The following NOTCH3 variants were observed in gnomAD, a reference collection of about 807,000 sequenced individuals.
The protein encoded by NOTCH3 is notch receptor 3, also known as neurogenic locus notch homolog protein 3.
Under a neutral mutation model 213.3 loss-of-function variants are expected in NOTCH3, and 86 were observed. The observed-to-expected ratio is 0.40, with a 90% CI of 0.34 to 0.48. The LOEUF is 0.48. NOTCH3 is among the 20% of genes least tolerant of loss of function. NOTCH3 has a pLI of 0.57. For synonymous variants in NOTCH3, 1,354 were observed against 1,355.9 expected (o/e 1.00, Z 0.03); for missense variants, 2,783 against 3,272.6 (o/e 0.85, Z 3.65).
At chr19:15,161,782 TG>T (rs879688221) in intron 32 of NOTCH3, 68 bp from the exon 33 acceptor site, 115 of 1,399,762 alleles carry the variant, frequency 8.2e-5, no homozygotes, top group Non-Finnish European at 1.1e-4. Context: ...TCCAGCCTCT[TG>T]GGGGAGCCCG....
At chr19:15,176,886 T>C (rs923821144) in intron 24 of NOTCH3, among the ~76,000 whole-genome samples, 2 of 144,362 alleles carry the variant, frequency 1.4e-5, no homozygotes, top group South Asian at 2.3e-4. Flanking sequence ...GCCTGGCCAA[T>C]ATGGTGAAAC....
At chr19:15,193,796 C>CA (rs2046949643) in intron 2 of NOTCH3, among the ~76,000 whole-genome samples, 1 of 107,496 alleles carries the variant, frequency 9.3e-6, no homozygotes, top group Admixed American at 1.0e-4. Flanking sequence ...ACAAAAAAAA[C>CA]AAACAGGCCA....
intron 1 of NOTCH3, among the ~76,000 whole-genome samples, chr19:15,198,061 T>C (rs1166818027): frequency 6.6e-6 from 1 of 152,116 alleles, no homozygotes; most frequent in Non-Finnish European, 1.5e-5. Flanking sequence ...CGTGGTGCTC[T>C]TGGGAGAGGG....
chr19:15,188,925 T>A, intron 8 of NOTCH3, 64 bp downstream of exon 8: 1 of 1,510,748 alleles, frequency 6.6e-7, no homozygotes, highest in Non-Finnish European at 9.0e-7. Context: ...CAGCTCCCCA[T>A]CCGCGGGCTT....
intron 10 of NOTCH3, 54 bp from the exon 11 acceptor site, chr19:15,187,392 G>T: frequency 6.6e-7 from 1 of 1,518,474 alleles, no homozygotes; most frequent in Non-Finnish European, 9.0e-7. Context: ...CTGCCCACAA[G>T]TGAGGCCTCG....
At chr19:15,200,758 C>A in intron 1 of NOTCH3, 30 bp downstream of exon 1, 1 of 1,272,774 alleles carries the variant, frequency 7.9e-7, no homozygotes, top group Admixed American at 3.1e-5. Context: ...CTGCCGCCCT[C>A]GTCCCATCCG....
intron 24 of NOTCH3, among the ~76,000 whole-genome samples, chr19:15,175,621 A>ACG (rs2046783961): frequency 6.8e-6 from 1 of 147,896 alleles, no homozygotes; most frequent in African/African-American, 2.5e-5. Context: ...ACACGCACGC[A>ACG]CACACATAGT....
chr19:15,166,509 G>C (rs1179583037), intron 29 of NOTCH3, among the ~76,000 whole-genome samples: 7 of 127,250 alleles, frequency 5.5e-5, no homozygotes, highest in African/African-American at 2.0e-4. Context: ...TTTTAAAAGG[G>C]GGGGGGAAAA....
chr19:15,178,126 G>A, intron 23 of NOTCH3, 36 bp from the exon 24 acceptor site: 1 of 1,343,006 alleles, frequency 7.4e-7, no homozygotes, highest in Non-Finnish European at 1.0e-6. Context: ...GGATAAAAAT[G>A]AGGGTGGGGA....
chr19:15,181,148 C>T lies in NOTCH3; in HGVS notation c.2807G>A (p.Gly936Asp). 6.2e-7 allele frequency: 1 copy of T among 1,611,274 alleles called. No individual in the cohort carries two copies. The highest frequency in any genetic ancestry group is 8.5e-7 in the Non-Finnish European group (1 of 1,179,246). ...GTTCACGCCGTCCACACAGGTCCCG[C>T]CATTGAAGCAGGAGCTGGAGCGGAA... ...PDCSPSSCFN[G>D]GTCVDGVNSF... The change falls in exon 18 of 33, where the codon GGC becomes GAC. Residue 936 changes from glycine to aspartate, a missense_variant. By Grantham distance (94) the Gly-to-Asp change is moderately conservative (BLOSUM62 -1). Transcript: ENST00000263388.
chr19:15,170,511 G>A lies in NOTCH3; in HGVS notation c.4934C>T (p.Pro1645Leu). 1 of 1,610,280 alleles carries A rather than the reference G, an allele frequency of 6.2e-7. No homozygotes were observed. Among genetic ancestry groups the A allele is most frequent in the Non-Finnish European group, 8.5e-7 (1 of 1,179,944 alleles). Reference sequence around the variant, plus strand: ...CAAGACAGCGCCCGCCACTAGCAGTGGCAGCAGCGGGACGCTGGGTTCTGG... The same window carrying A: ...CAAGACAGCGCCCGCCACTAGCAGTAGCAGCAGCGGGACGCTGGGTTCTGG... ...EPPEPSVPLL[P>L]LLVAGAVLLL... Residue 1645 changes from proline to leucine, a missense_variant, in exon 27 of 33, where the codon CCA becomes CTA. Transcript: ENST00000263388.
chr19:15,187,457 C>T lies in NOTCH3; in HGVS notation c.1607-119G>A, dbSNP rs552471156. On this transcript the variant is annotated intron_variant, in intron 10 of 32. Transcript: ENST00000263388. ...CCCTGCCCATCAAGCTGTCAGGAGGCGAGCTCAATACAGGCCCCACCCCCC... is the reference window on the plus strand; with the variant it reads ...CCCTGCCCATCAAGCTGTCAGGAGGTGAGCTCAATACAGGCCCCACCCCCC... 2.4e-5 allele frequency: 20 copies of T among 828,232 alleles called. No individual in the cohort carries two copies. In the East Asian group the frequency reaches 2.7e-4, roughly 11 times the overall value. 51.3% of individuals were successfully genotyped at this position (828,232 alleles called of 1,614,324 possible).
Position 15,159,490 on chromosome 19 carries a change from A to G in NOTCH3, c.*1172T>C, listed in dbSNP as rs187643137. The G allele has an allele frequency of 5.6e-5, 11 of 194,936 alleles. No homozygotes were observed. Among genetic ancestry groups the G allele is most frequent in the African/African-American group, 2.5e-4 (11 of 43,288 alleles). The allele number at this position is 194,936 out of a possible 1,614,324, so 12.1% of individuals were successfully genotyped here. ...ACAACCACTAATCCAATCGGTAGTC[A>G]TCTGCCAAAAGAGGAAGCATAAGTA... On this transcript the variant is annotated 3_prime_UTR_variant, in exon 33 of 33. Coordinates refer to ENST00000263388, the MANE Select transcript of NOTCH3 (RefSeq NM_000435.3).
intron 2 of NOTCH3, among the ~76,000 whole-genome samples, chr19:15,196,655 G>A (rs2046972540): frequency 6.6e-6 from 1 of 152,126 alleles, no homozygotes; most frequent in Admixed American, 6.6e-5. Flanking sequence ...CTTCTCCTTA[G>A]AGCACCTGTT....
rs776950725 is a variant in NOTCH3 at position 15,177,071 on chromosome 19, TAAAAAAAAAAA to T, written c.4403+443_4403+453del. The stretch of plus-strand genomic sequence containing the variant: ...TGGGCAAGAGAGCGAGACTCCGTCT[TAAAAAAAAAAA>T]AAAAAAAAAAAAGGAATTCGGCTGG... On this transcript the variant is annotated intron_variant, in intron 24 of 32. Transcript: ENST00000263388. Among the ~76,000 whole-genome samples, 197 of 79,140 alleles carry T rather than the reference TAAAAAAAAAAA, an allele frequency of 2.5e-3. 2 individuals carry two copies. The highest frequency in any genetic ancestry group is 7.8e-3 in the African/African-American group (183 of 23,422). The allele number at this position is 79,140 out of a possible 152,430, so 51.9% of individuals were successfully genotyped here.
chr19:15,191,237 T>C (rs2046924153), intron 6 of NOTCH3, among the ~76,000 whole-genome samples, 187 bp downstream of exon 6: 3 of 151,340 alleles, frequency 2.0e-5, no homozygotes, highest in Non-Finnish European at 4.4e-5. Flanking sequence ...TTTCACCATA[T>C]TGACCAGGCT....
chr19:15,179,930 C>T (rs1163109301), intron 20 of NOTCH3, 142 bp downstream of exon 20: 2 of 630,206 alleles, frequency 3.2e-6, no homozygotes, highest in Admixed American at 2.7e-5. Flanking sequence ...AGAGTGACAC[C>T]CACAGATACA....
In NOTCH3 at chr19:15,185,375, G is replaced by A. The variant is rs761488194; in HGVS notation, c.2178C>T (p.Gly726=). ...FRCVCEPGWS[G]PRCSQSLARD... is the part of the protein sequence containing the mutation. ...GGGCCAGGCTCTGGCTGCAGCGGGG[G>A]CCACTCCAGCCAGGCTCACACACAC... Residue 726 remains glycine, a synonymous_variant, in exon 14 of 33, where the codon GGC becomes GGT. Transcript: ENST00000263388. This position sits in a 1 kb window ranked among gnomAD's most constrained non-coding sequence, Gnocchi z 4.2. The A allele has an allele frequency of 8.1e-6, 13 of 1,612,140 alleles. No homozygotes were observed. The East Asian group carries it at 2.7e-4, about 33-fold the overall frequency.
chr19:15,181,221 C>G, intron 17 of NOTCH3, 59 bp from the exon 18 acceptor site: 1 of 1,467,288 alleles, frequency 6.8e-7, no homozygotes, highest in Non-Finnish European at 9.4e-7. Flanking sequence ...GCCCTGCCCT[C>G]CTTCCTGAGT....
Sources: allele counts gnomAD v4.1 joint callset (sites outside exome capture counted in the v4.1 genomes callset), GRCh38; gene constraint gnomAD v4.1.1; non-coding constraint Gnocchi (gnomAD v3.1); transcripts MANE v1.5; gene names NCBI Gene and HGNC (gene_info 2026-07-23, HGNC 2026-07-21).